Variants in RREB1 observed in about 807,000 individuals in gnomAD.
RREB1 encodes the protein ras-responsive element-binding protein 1.
In RREB1, 27 loss-of-function variants were observed where a neutral mutation model predicts 117.8. The observed-to-expected ratio is 0.23, with a 90% confidence interval of 0.17 to 0.32. The LOEUF (loss-of-function observed/expected upper bound fraction) is 0.32, where lower values mean the gene tolerates loss of function less well. Ranked by LOEUF, RREB1 falls within the 10% of genes least tolerant of loss-of-function variation. The pLI, the probability that RREB1 is intolerant of heterozygous loss-of-function variation, is 1.00. For missense variants in RREB1, 2,577 were observed against 2,378.2 expected, an observed-to-expected ratio of 1.08 and a Z score of -1.74; for synonymous variants, 1,298 against 1,026.7, an observed-to-expected ratio of 1.26 and a Z score of -5.05.
intron 10 of RREB1, among the ~76,000 whole-genome samples, chr6:7,236,875 T>G (rs1013978350): frequency 6.7e-6 from 1 of 150,176 alleles, no homozygotes. Flanking sequence ...TTTTTTTTGT[T>G]TGTTTTTGGA....
intron 1 of RREB1, among the ~76,000 whole-genome samples, chr6:7,141,452 G>C (rs1762584946): frequency 6.6e-6 from 1 of 152,146 alleles, no homozygotes; most frequent in Non-Finnish European, 1.5e-5. Context: ...AGATGAGTGT[G>C]CTTGGAGCGA....
At chr6:7,166,227 A>T (rs1354471847) in intron 1 of RREB1, among the ~76,000 whole-genome samples, 1 of 151,958 alleles carries the variant, frequency 6.6e-6, no homozygotes, top group Non-Finnish European at 1.5e-5. Flanking sequence ...GTCCAGGAAC[A>T]TGCCACCTCC....
At chr6:7,131,222 G>A (rs897185610) in intron 1 of RREB1, among the ~76,000 whole-genome samples, 6 of 152,014 alleles carry the variant, frequency 3.9e-5, no homozygotes, top group South Asian at 2.1e-4. Flanking sequence ...CACCGCGCCC[G>A]GCCAATACTC....
At chr6:7,235,780 TCCAGTCCTC>T (rs1768277223) in intron 10 of RREB1, among the ~76,000 whole-genome samples, 1 of 152,328 alleles carries the variant, frequency 6.6e-6, no homozygotes, top group East Asian at 1.9e-4. Flanking sequence ...ACACGTGTTC[TCCAGTCCTC>T]CCAGTCCTCA....
chr6:7,131,576 A>C (rs918316030), intron 1 of RREB1, among the ~76,000 whole-genome samples: 2 of 152,140 alleles, frequency 1.3e-5, no homozygotes, highest in Non-Finnish European at 2.9e-5. Flanking sequence ...CTGAATTCAA[A>C]CCCAGGCCAG....
At chr6:7,159,751 C>G (rs1763557060) in intron 1 of RREB1, among the ~76,000 whole-genome samples, 1 of 152,152 alleles carries the variant, frequency 6.6e-6, no homozygotes, top group Non-Finnish European at 1.5e-5. Context: ...CTTAACTCTC[C>G]AAAAGTAGGA....
rs147699375 is a variant in RREB1 at position 7,230,961 on chromosome 6, C to T, written c.2862C>T (p.Ser954=). 1.9e-4 allele frequency: 304 copies of T among 1,614,008 alleles called. No homozygotes were observed. The African/African-American group carries it at 3.3e-3, about 17-fold the overall frequency. The stretch of plus-strand genomic sequence containing the variant: ...GGGACAAGGATTTGGCCACTCCCAG[C>T]GAAGCCAAGAAGCCTGAGGAGGAGG... The part of the protein sequence containing the change: ...RKGDKDLATP[S]EAKKPEEEAG... The change falls in exon 10 of 13, where the codon AGC becomes AGT. Residue 954 remains serine, a synonymous_variant. Transcript: ENST00000379938.
Position 7,187,459 on chromosome 6 carries a change from A to T in RREB1, c.197A>T (p.Tyr66Phe). The stretch of plus-strand genomic sequence containing the variant: ...GAAACGAAAGAGGAGAAGTCTTCCT[A>T]TAACTGCCCCCTGTGTGAGAAGATT... ...NQETKEEKSSYNCPLCEKICT... is the reference protein window; with the variant it reads ...NQETKEEKSSFNCPLCEKICT... Residue 66 changes from tyrosine (Y) to phenylalanine (F), a missense_variant, in exon 5 of 13, where the codon TAT becomes TTT. Coordinates refer to ENST00000379938, the MANE Select transcript of RREB1 (RefSeq NM_001003699.4). 6.2e-7 allele frequency: 1 copy of T among 1,605,620 alleles called. No homozygotes were observed. Among genetic ancestry groups the T allele is most frequent in the African/African-American group, 1.3e-5 (1 of 75,000 alleles).
At chr6:7,162,817 C>T (rs1763734575) in intron 1 of RREB1, among the ~76,000 whole-genome samples, 1 of 151,848 alleles carries the variant, frequency 6.6e-6, no homozygotes, top group Admixed American at 6.6e-5. Flanking sequence ...TAGACTGCTC[C>T]CCTTTATTTT....
At chr6:7,142,380 A>G (rs1288411536) in intron 1 of RREB1, among the ~76,000 whole-genome samples, 1 of 151,656 alleles carries the variant, frequency 6.6e-6, no homozygotes, top group Non-Finnish European at 1.5e-5. Context: ...GTCCCCCCGC[A>G]AAGCTGGACG....
In RREB1 at chr6:7,231,812, C is replaced by G. The variant is rs1253944842; in HGVS notation, c.3713C>G (p.Ser1238Trp). The change falls in exon 10 of 13, where the codon TCG (serine) becomes TGG (tryptophan). Residue 1238 changes from serine (S) to tryptophan (W), a missense_variant. Ser to Trp is a radical substitution (Grantham distance 177). Transcript: ENST00000379938. ...EDKLLRAKRN[S>W]YTNCLQKITC... ...AAGCTGCTGAGGGCCAAGCGGAACTCGTACACCAACTGCCTGCAGAAGATC... is the reference window on the plus strand; with the variant it reads ...AAGCTGCTGAGGGCCAAGCGGAACTGGTACACCAACTGCCTGCAGAAGATC... The G allele has an allele frequency of 6.2e-7, 1 of 1,613,700 alleles. No homozygotes were observed. The highest frequency in any genetic ancestry group is 2.2e-5 in the East Asian group (1 of 44,866).
chr6:7,201,494 T>TTCCCCC (rs1429243157), intron 6 of RREB1, among the ~76,000 whole-genome samples: 1 of 115,166 alleles, frequency 8.7e-6, no homozygotes, highest in African/African-American at 3.4e-5. Flanking sequence ...GGCAACATTG[T>TTCCCCC]CCCCCCCCCC....
intron 6 of RREB1, among the ~76,000 whole-genome samples, chr6:7,196,295 C>T (rs1453180873): frequency 2.3e-5 from 3 of 132,032 alleles, no homozygotes; most frequent in African/African-American, 8.6e-5. Flanking sequence ...TACATCCTTT[C>T]AAGTTTCAAG....
chr6:7,118,756 C>T (rs1436044094), intron 1 of RREB1, among the ~76,000 whole-genome samples: 1 of 140,794 alleles, frequency 7.1e-6, no homozygotes, highest in Non-Finnish European at 1.5e-5. Context: ...TGAAAATAGT[C>T]AGTTTTTCAC....
intron 1 of RREB1, among the ~76,000 whole-genome samples, chr6:7,122,248 ATC>A (rs763614157): frequency 1.3e-5 from 2 of 151,942 alleles, no homozygotes; most frequent in African/African-American, 2.4e-5. Flanking sequence ...GTGAATTTCC[ATC>A]TCTCTCTCAT....
chr6:7,158,503 G>C (rs952849578), intron 1 of RREB1, among the ~76,000 whole-genome samples: 10 of 152,098 alleles, frequency 6.6e-5, no homozygotes, highest in Non-Finnish European at 1.5e-5. Context: ...CCTTCAGCAG[G>C]ACCTGGCTCC....
intron 6 of RREB1, among the ~76,000 whole-genome samples, chr6:7,199,744 A>T (rs1765849715): frequency 6.6e-6 from 1 of 151,780 alleles, no homozygotes; most frequent in Non-Finnish European, 1.5e-5. Context: ...GCTCACTGCA[A>T]CCTCAACCTC....
intron 1 of RREB1, among the ~76,000 whole-genome samples, chr6:7,149,350 A>G (rs1763012603): frequency 6.6e-6 from 1 of 152,256 alleles, no homozygotes; most frequent in Non-Finnish European, 1.5e-5. Context: ...GACATCCTGG[A>G]AAACATAGTC....
chr6:7,239,879 T>G (rs1581589347), intron 10 of RREB1, among the ~76,000 whole-genome samples: 1 of 152,174 alleles, frequency 6.6e-6, no homozygotes, highest in Admixed American at 6.5e-5. Context: ...AAGTCAGAAC[T>G]CACTGCTCCC....
Sources: gnomAD v4.1 joint callset for allele counts (sites outside exome capture counted in the v4.1 genomes callset) on GRCh38, gnomAD v4.1.1 for gene constraint, MANE v1.5 for transcripts, NCBI Gene and HGNC (gene_info 2026-07-23, HGNC 2026-07-21) for gene names.